The following MYO9B variants were observed in gnomAD, a reference collection of about 807,000 sequenced individuals.
MYO9B encodes the protein myosin IXB.
In MYO9B, 71 loss-of-function variants were observed where a neutral mutation model predicts 229.5. That is an observed-to-expected ratio of 0.31 (90% CI 0.26 to 0.38). The LOEUF (loss-of-function observed/expected upper bound fraction) is 0.38, where lower values mean the gene tolerates loss of function less well. Among genes scored for constraint, MYO9B ranks in the 10% least tolerant of loss-of-function variants. The probability of loss-of-function intolerance (pLI) is 1.00; values close to 1 mark genes in which losing one functional copy is unlikely to be tolerated. For missense variants in MYO9B, 2,255 were observed against 2,920.5 expected, an observed-to-expected ratio of 0.77 and a Z score of 5.25; for synonymous variants, 1,185 against 1,235.8, an observed-to-expected ratio of 0.96 and a Z score of 0.86.
At chr19:17,148,331 C>T (rs1048299072) in intron 3 of MYO9B, among the ~76,000 whole-genome samples, 3 of 152,214 alleles carry the variant, frequency 2.0e-5, no homozygotes, top group African/African-American at 7.2e-5. Context: ...AACATTATCT[C>T]TGTATGCATT....
chr19:17,149,018 A>G (rs1274400735), intron 3 of MYO9B, among the ~76,000 whole-genome samples: 1 of 152,172 alleles, frequency 6.6e-6, no homozygotes, highest in Non-Finnish European at 1.5e-5. Context: ...TTTGTTGCCC[A>G]GGCTAGAGTA....
intron 1 of MYO9B, among the ~76,000 whole-genome samples, chr19:17,080,729 CATG>C (rs1176897758): frequency 6.6e-6 from 1 of 152,100 alleles, no homozygotes; most frequent in Non-Finnish European, 1.5e-5. Context: ...ATTAGCTAGA[CATG>C]ATGGTGAATG....
intron 2 of MYO9B, among the ~76,000 whole-genome samples, chr19:17,120,534 C>CT (rs2057952221): frequency 6.7e-6 from 1 of 150,018 alleles, no homozygotes; most frequent in Admixed American, 6.8e-5. Flanking sequence ...ACTCAGGAGG[C>CT]TGAGGCAGGA....
At chr19:17,148,240 C>T (rs2072437508) in intron 3 of MYO9B, among the ~76,000 whole-genome samples, 2 of 152,284 alleles carry the variant, frequency 1.3e-5, no homozygotes, top group South Asian at 4.1e-4. Flanking sequence ...GCTAAGCTGC[C>T]TCCTTGTCTT....
At chr19:17,190,994 G>A (rs2072978366) in intron 19 of MYO9B, 103 bp from the exon 20 acceptor site, 2 of 1,270,018 alleles carry the variant, frequency 1.6e-6, no homozygotes, top group East Asian at 4.9e-5. Context: ...TACCATTCCT[G>A]TCAAACCCAG....
intron 2 of MYO9B, among the ~76,000 whole-genome samples, chr19:17,121,124 G>A (rs2057959754): frequency 6.6e-6 from 1 of 152,098 alleles, no homozygotes; most frequent in African/African-American, 2.4e-5. Context: ...TGTATTTTTA[G>A]TAGAGATGGG....
intron 2 of MYO9B, among the ~76,000 whole-genome samples, chr19:17,144,471 C>T (rs1469102908): frequency 6.6e-6 from 1 of 151,510 alleles, no homozygotes; most frequent in Non-Finnish European, 1.5e-5. Context: ...GTGGTGCATG[C>T]CTGTGGTCCC....
intron 37 of MYO9B, 53 bp downstream of exon 37, chr19:17,210,433 C>G: frequency 6.7e-7 from 1 of 1,503,258 alleles, no homozygotes; most frequent in South Asian, 1.3e-5. Context: ...GCAGTGCATG[C>G]TGGGGTTCCC....
At chr19:17,187,713 C>T (rs544961021) in intron 18 of MYO9B, among the ~76,000 whole-genome samples, 16 of 152,230 alleles carry the variant, frequency 1.1e-4, no homozygotes, top group Admixed American at 2.0e-4. Context: ...GGACGGACCC[C>T]TTGTCCAGGT....
At chr19:17,167,910 A>G (rs1175363470) in intron 10 of MYO9B, 33 bp from the exon 11 acceptor site, 1 of 1,551,234 alleles carries the variant, frequency 6.4e-7, no homozygotes, top group African/African-American at 1.4e-5. Flanking sequence ...TCTGGGAGAT[A>G]AGAAACTTAC....
intron 18 of MYO9B, among the ~76,000 whole-genome samples, chr19:17,186,466 G>C (rs79089061): frequency 6.6e-6 from 1 of 152,154 alleles, no homozygotes; most frequent in African/African-American, 2.4e-5. Flanking sequence ...ATCCCTGGGA[G>C]GACAGCTCGG....
At chr19:17,136,652 G>T (rs982644598) in intron 2 of MYO9B, among the ~76,000 whole-genome samples, 4 of 152,008 alleles carry the variant, frequency 2.6e-5, no homozygotes, top group Non-Finnish European at 4.4e-5. Context: ...TAGTGCACAG[G>T]ACGCCCCCAT....
rs183121135 is a variant in MYO9B at position 17,117,585 on chromosome 19, T to A, written c.840+15028T>A. The stretch of plus-strand genomic sequence containing the variant: ...GGGGTTCTCTGTAAATCCCGGACAG[T>A]ATCATCACCTCTTTAAGGGAGAGTG... On this transcript the variant is annotated intron_variant, in intron 2 of 39. Coordinates refer to ENST00000682292, the MANE Select transcript of MYO9B (RefSeq NM_004145.4). 2.3e-4 allele frequency among the ~76,000 whole-genome samples: 35 copies of A among 152,320 alleles called. No individual in the cohort carries two copies. In the Middle Eastern group the frequency reaches 0.017, roughly 74 times the overall value.
chr19:17,112,829 C>T (rs539999005), intron 2 of MYO9B, among the ~76,000 whole-genome samples: 1 of 152,364 alleles, frequency 6.6e-6, no homozygotes, highest in East Asian at 1.9e-4. Context: ...ACCTCCCAGC[C>T]AGGCACTCAC....
rs1404173476 is a variant in MYO9B at position 17,191,320 on chromosome 19, G to A, written c.2811+101G>A. The A allele has an allele frequency of 2.9e-6, 4 of 1,369,840 alleles. No individual in the cohort carries two copies. The East Asian group carries it at 1.0e-4, about 35-fold the overall frequency. The allele number at this position is 1,369,840 out of a possible 1,614,324, so 84.9% of individuals were successfully genotyped here. On this transcript the variant is annotated intron_variant, in intron 20 of 39. Coordinates refer to ENST00000682292, the MANE Select transcript of MYO9B (RefSeq NM_004145.4). ...CCAGGGCCACTCTCTGAAACATACA[G>A]GGCTCTGTCTAGGAAATGCATTTCT...
At chr19:17,104,882 G>A (rs1314835954) in intron 2 of MYO9B, among the ~76,000 whole-genome samples, 1 of 152,088 alleles carries the variant, frequency 6.6e-6, no homozygotes, top group Non-Finnish European at 1.5e-5. Context: ...TGTGTTGGTT[G>A]CACCTGACTC....
At position 17,213,093 on chromosome 19, in the gene MYO9B, C is replaced by T. The variant is rs910744713; in HGVS notation, c.*783C>T. ...TGTGACAGAATAGGAGCCAGCGACT[C>T]AGGACTGCTCACGGGTCAGGAGGGC... On this transcript the variant is annotated 3_prime_UTR_variant, in exon 40 of 40. Coordinates refer to ENST00000682292, the MANE Select transcript of MYO9B (RefSeq NM_004145.4). 6 of 152,302 alleles carry T rather than the reference C, an allele frequency of 3.9e-5. No homozygotes were observed. The highest frequency in any genetic ancestry group is 1.2e-4 in the African/African-American group (5 of 41,464). 9.4% of individuals were successfully genotyped at this position (152,302 alleles called of 1,614,324 possible). A position where few individuals can be genotyped will look rare whatever the true frequency, so the allele number is the denominator to read the frequency against.
rs748634111 is a variant in MYO9B at position 17,172,086 on chromosome 19, G to A, written c.1794-250G>A. Reference sequence around the variant, plus strand: ...CAGCGTGTTCAGCATGAGGCAGGCAGGCACACCCAGATAGCAGCGTCCCAG... The same window carrying A: ...CAGCGTGTTCAGCATGAGGCAGGCAAGCACACCCAGATAGCAGCGTCCCAG... On this transcript the variant is annotated intron_variant, in intron 11 of 39. Transcript: ENST00000682292. This position sits in a 1 kb window ranked among gnomAD's most constrained non-coding sequence, Gnocchi z 8.2. Among the ~76,000 whole-genome samples the A allele has an allele frequency of 2.0e-5, 3 of 152,100 alleles. No homozygotes were observed. The highest frequency in any genetic ancestry group is 4.4e-5 in the Non-Finnish European group (3 of 68,010).
Position 17,101,114 on chromosome 19 carries a change from A to G in MYO9B, c.-58-546A>G, listed in dbSNP as rs2057740766. Reference sequence around the variant, plus strand: ...TGGATGGGGTGGGATGGGGGCTGGGATGGAGCAAACTCAGGGGAAGGGTCA... The same window carrying G: ...TGGATGGGGTGGGATGGGGGCTGGGGTGGAGCAAACTCAGGGGAAGGGTCA... On this transcript the variant is annotated intron_variant, in intron 1 of 39. Transcript: ENST00000682292. This position sits in a 1 kb window ranked among gnomAD's most constrained non-coding sequence, Gnocchi z 4.7. 6.6e-6 allele frequency among the ~76,000 whole-genome samples: 1 copy of G among 151,202 alleles called. No individual in the cohort carries two copies. Among genetic ancestry groups the G allele is most frequent in the South Asian group, 2.1e-4 (1 of 4,740 alleles).
Sources: allele counts gnomAD v4.1 joint callset (sites outside exome capture counted in the v4.1 genomes callset), GRCh38; gene constraint gnomAD v4.1.1; non-coding constraint Gnocchi (gnomAD v3.1); transcripts MANE v1.5; gene names NCBI Gene and HGNC (gene_info 2026-07-23, HGNC 2026-07-21).